The following TLK1 variants were observed in gnomAD, a reference collection of about 807,000 sequenced individuals.
TLK1 encodes the protein serine/threonine-protein kinase tousled-like 1.
A neutral mutation model predicts 105.3 loss-of-function variants in TLK1; 24 were observed. That is an observed-to-expected ratio of 0.23 (90% CI 0.17 to 0.32). The LOEUF is 0.32. Among genes scored for constraint, TLK1 ranks in the 10% least tolerant of loss-of-function variants. The pLI is 1.00. For synonymous variants in TLK1, 321 were observed against 310.4 expected (o/e 1.03, Z -0.36); for missense variants, 558 against 910.5 (o/e 0.61, Z 4.98).
At chr2:171,091,340 C>A (rs191472087) in intron 2 of TLK1, among the ~76,000 whole-genome samples, 60 of 152,254 alleles carry the variant, frequency 3.9e-4, no homozygotes, top group Middle Eastern at 3.4e-3. Context: ...CCCATCTAAC[C>A]AGACATAATC....
At chr2:171,158,516 A>G (rs1005256184) in intron 1 of TLK1, among the ~76,000 whole-genome samples, 3 of 152,246 alleles carry the variant, frequency 2.0e-5, no homozygotes, top group African/African-American at 7.2e-5. Context: ...ACAGATATCA[A>G]GAGATAATTC....
chr2:171,055,203 C>CAAAAAA (rs71399594), intron 6 of TLK1, 31 bp from the exon 7 acceptor site: 22 of 518,312 alleles, frequency 4.2e-5, no homozygotes, highest in South Asian at 3.0e-4. Context: ...TTTATATTAG[C>CAAAAAA]AAAAAAAAAA....
In TLK1 at chr2:171,212,581, G is replaced by C. The variant is rs185516458; in HGVS notation, c.-6+18564C>G. On this transcript the variant is annotated intron_variant, in intron 1 of 20. Coordinates refer to the TLK1 transcript ENST00000521943. ...ATAGAAGACTTCAGTTCCAGCACCG[G>C]CTCCTTTTAAAACTGGTTGTGTGAC... 1.9e-3 allele frequency among the ~76,000 whole-genome samples: 283 copies of C among 152,168 alleles called. 1 individual carries two copies. The highest frequency in any genetic ancestry group is 6.4e-3 in the African/African-American group (267 of 41,478).
intron 1 of TLK1, among the ~76,000 whole-genome samples, chr2:171,167,534 C>G (rs959495824): frequency 6.6e-6 from 1 of 152,080 alleles, no homozygotes; most frequent in African/African-American, 2.4e-5. Context: ...TTCACAAAAC[C>G]ACTGCTTGAA....
chr2:171,089,515 C>T (rs1689131706), intron 2 of TLK1, among the ~76,000 whole-genome samples: 1 of 152,196 alleles, frequency 6.6e-6, no homozygotes, highest in African/African-American at 2.4e-5. Flanking sequence ...TACAGCACAT[C>T]TATTTTAACG....
Position 171,101,346 on chromosome 2 carries a change from CAA to C in TLK1, c.258+16391_258+16392del, listed in dbSNP as rs71401403. Among the ~76,000 whole-genome samples the C allele has an allele frequency of 7.1e-3, 448 of 63,478 alleles. 5 individuals are homozygous for C. Among genetic ancestry groups the C allele is most frequent in the African/African-American group, 0.029 (405 of 13,842 alleles). The allele number at this position is 63,478 out of a possible 152,430, so 41.6% of individuals were successfully genotyped here. On this transcript the variant is annotated intron_variant, in intron 2 of 20. Coordinates refer to ENST00000431350, the MANE Select transcript of TLK1 (RefSeq NM_012290.5). The stretch of plus-strand genomic sequence containing the variant: ...GGACAACAAGAGTGAAACTCCGTCT[CAA>C]AAAAAAAAAAAAAAAAAGCCAGGCA...
chr2:171,202,788 CTTTATA>C (rs1693429200), intron 1 of TLK1, among the ~76,000 whole-genome samples: 1 of 152,044 alleles, frequency 6.6e-6, no homozygotes, highest in Admixed American at 6.6e-5. Context: ...AAAAACAGAA[CTTTATA>C]TTTATCTACT....
At chr2:171,147,101 T>C (rs1206448519) in intron 1 of TLK1, among the ~76,000 whole-genome samples, 2 of 152,342 alleles carry the variant, frequency 1.3e-5, no homozygotes, top group Non-Finnish European at 1.5e-5. Flanking sequence ...TCTTCAAAAG[T>C]ATAAATTAAA....
In TLK1 at chr2:171,056,375, T is replaced by C. The variant is rs537910142; in HGVS notation, c.549+96A>G. On this transcript the variant is annotated intron_variant, in intron 6 of 20. Coordinates refer to ENST00000431350, the MANE Select transcript of TLK1 (RefSeq NM_012290.5). ...AAAGATAAATGCTAACTTATTTATA[T>C]AGAAGTTCTCAATAAAAAACAACAA... The C allele has an allele frequency of 1.1e-5, 10 of 885,134 alleles. No homozygotes were observed. In the South Asian group the frequency reaches 1.5e-4, roughly 14 times the overall value. The allele number at this position is 885,134 out of a possible 1,614,324, so 54.8% of individuals were successfully genotyped here.
chr2:171,178,890 A>G (rs1692879615), intron 1 of TLK1, among the ~76,000 whole-genome samples: 2 of 152,246 alleles, frequency 1.3e-5, no homozygotes, highest in African/African-American at 4.8e-5. Flanking sequence ...GGCCTCTTAC[A>G]CAGATGACTA....
chr2:171,114,156 T>C lies in TLK1; in HGVS notation c.258+3583A>G, dbSNP rs146947217. Among the ~76,000 whole-genome samples, 8 of 152,272 alleles carry C rather than the reference T, an allele frequency of 5.3e-5. 1 individual carries two copies. The East Asian group carries it at 1.5e-3, about 29-fold the overall frequency. On this transcript the variant is annotated intron_variant, in intron 2 of 20. Transcript: ENST00000431350. ...CAATTACTTCATCATTACTTATTAT[T>C]TTCATCAATTATTCCCAACTATACT... is the stretch of plus-strand genomic sequence containing the variant.
At chr2:171,156,450 A>G (rs1692235707) in intron 1 of TLK1, among the ~76,000 whole-genome samples, 1 of 152,252 alleles carries the variant, frequency 6.6e-6, no homozygotes, top group African/African-American at 2.4e-5. Context: ...ACATAAACCT[A>G]AATCTCTTGG....
chr2:171,227,070 C>T (rs934522162), intron 1 of TLK1, among the ~76,000 whole-genome samples: 5 of 150,708 alleles, frequency 3.3e-5, no homozygotes, highest in Non-Finnish European at 4.4e-5. Context: ...GTTCCTTCTG[C>T]AGGGACTGTT....
intron 1 of TLK1, among the ~76,000 whole-genome samples, chr2:171,227,122 A>C (rs1246365561): frequency 6.6e-6 from 1 of 152,068 alleles, no homozygotes; most frequent in Non-Finnish European, 1.5e-5. Context: ...CCCTCTTTCT[A>C]TTGGTAAAAG....
At chr2:171,038,330 T>G (rs1006218651) in intron 11 of TLK1, among the ~76,000 whole-genome samples, 9 of 152,176 alleles carry the variant, frequency 5.9e-5, no homozygotes, top group African/African-American at 2.2e-4. Context: ...TATATTAATT[T>G]CTGCTATCTT....
At chr2:171,161,259 G>A (rs769753829), upstream of TLK1, among the ~76,000 whole-genome samples, 1 of 151,636 alleles carries the variant, frequency 6.6e-6, no homozygotes, top group Non-Finnish European at 1.5e-5. Context: ...GTCTCCCGCG[G>A]AAGCGCGCCT....
chr2:171,018,185 C>T (rs1685299911), intron 12 of TLK1, among the ~76,000 whole-genome samples: 5 of 152,168 alleles, frequency 3.3e-5, no homozygotes, highest in Admixed American at 3.3e-4. Context: ...TCCCCCACCC[C>T]TCCCTCCAAG....
intron 20 of TLK1, among the ~76,000 whole-genome samples, chr2:170,994,458 G>A (rs1683951416): frequency 1.3e-5 from 2 of 149,918 alleles, no homozygotes; most frequent in African/African-American, 2.5e-5. Flanking sequence ...TCCTGGAAAA[G>A]CTAAATAAAC....
chr2:171,061,812 AAG>A (rs143331200), intron 3 of TLK1, among the ~76,000 whole-genome samples: 1,524 of 152,342 alleles, frequency 0.01, 27 homozygotes, highest in African/African-American at 0.034. Flanking sequence ...TCAAAACAAA[AAG>A]AATATTTTGT....
Sources: gnomAD v4.1 joint callset for allele counts (sites outside exome capture counted in the v4.1 genomes callset) on GRCh38, gnomAD v4.1.1 for gene constraint, MANE v1.5 for transcripts, NCBI Gene and HGNC (gene_info 2026-07-23, HGNC 2026-07-21) for gene names.